Variants in KCNT2 observed in about 807,000 individuals in gnomAD.
KCNT2 encodes potassium channel subfamily T member 2.
In KCNT2, 67 loss-of-function variants were observed where a neutral mutation model predicts 153.8. The ratio of observed to expected loss-of-function variants is 0.44; its 90% confidence interval spans 0.36 to 0.53. The LOEUF is 0.53. Ranked by LOEUF, KCNT2 falls within the 20% of genes least tolerant of loss-of-function variation. The pLI, the probability that KCNT2 is intolerant of heterozygous loss-of-function variation, is 0.00. For synonymous variants in KCNT2, 500 were observed against 458.8 expected (o/e 1.09, Z -1.15); for missense variants, 975 against 1,354.8 (o/e 0.72, Z 4.40).
chr1:196,437,165 T>G (rs1393847360), intron 8 of KCNT2, among the ~76,000 whole-genome samples: 1 of 50,148 alleles, frequency 2.0e-5, no homozygotes, highest in Non-Finnish European at 3.9e-5. Context: ...GCAGGGGATA[T>G]ATGATAATAA....
intron 27 of KCNT2, among the ~76,000 whole-genome samples, chr1:196,228,712 T>C (rs539368190): frequency 6.6e-6 from 1 of 152,264 alleles, no homozygotes; most frequent in East Asian, 1.9e-4. Flanking sequence ...TCCCTTACTT[T>C]GGCCATTTTT....
chr1:196,299,627 C>T (rs532071294), intron 22 of KCNT2, among the ~76,000 whole-genome samples: 12 of 151,932 alleles, frequency 7.9e-5, no homozygotes, highest in Non-Finnish European at 1.5e-4. Flanking sequence ...TGCAGAGAAA[C>T]GGGAACGCTT....
chr1:196,494,274 G>T (rs1680077515), intron 1 of KCNT2, among the ~76,000 whole-genome samples: 1 of 152,088 alleles, frequency 6.6e-6, no homozygotes, highest in South Asian at 2.1e-4. Flanking sequence ...AGGACAATAC[G>T]GCTATTACAC....
chr1:196,585,539 A>T (rs1484852820), intron 1 of KCNT2, among the ~76,000 whole-genome samples: 2 of 152,090 alleles, frequency 1.3e-5, no homozygotes, highest in Non-Finnish European at 2.9e-5. Context: ...AATGGAATGG[A>T]TGGGTCAATT....
chr1:196,470,248 T>TA (rs1465844309), intron 5 of KCNT2, among the ~76,000 whole-genome samples: 1 of 152,158 alleles, frequency 6.6e-6, no homozygotes, highest in African/African-American at 2.4e-5. Context: ...CCAAACCACT[T>TA]AACTTGGCTC....
chr1:196,551,004 A>G (rs1160942233), intron 1 of KCNT2, among the ~76,000 whole-genome samples: 1 of 151,864 alleles, frequency 6.6e-6, no homozygotes, highest in Non-Finnish European at 1.5e-5. Flanking sequence ...ATGCTGTCTC[A>G]GTTCACAGTT....
intron 16 of KCNT2, among the ~76,000 whole-genome samples, chr1:196,334,487 C>CTTTTTTTTTTTCTTTTTTT (rs1664804126): frequency 1.1e-5 from 1 of 87,264 alleles, no homozygotes; most frequent in African/African-American, 4.4e-5. Flanking sequence ...TTCTTTCTTT[C>CTTTTTTTTTTTCTTTTTTT]TTTTTTTTTT....
At chr1:196,576,637 T>A (rs1017816026) in intron 1 of KCNT2, among the ~76,000 whole-genome samples, 1 of 152,170 alleles carries the variant, frequency 6.6e-6, no homozygotes, top group Admixed American at 6.6e-5. Context: ...ACTGCCAATA[T>A]GTTCCTCAAT....
intron 14 of KCNT2, among the ~76,000 whole-genome samples, chr1:196,353,396 G>A (rs928418178): frequency 5.3e-5 from 8 of 151,768 alleles, no homozygotes; most frequent in Non-Finnish European, 8.8e-5. Context: ...AAGAAGATTA[G>A]CAAATAAAAT....
At chr1:196,346,537 C>T (rs1666157629) in intron 14 of KCNT2, among the ~76,000 whole-genome samples, 1 of 152,050 alleles carries the variant, frequency 6.6e-6, no homozygotes, top group African/African-American at 2.4e-5. Context: ...CACACTATTT[C>T]AATTATTGTA....
At chr1:196,317,032 T>C (rs1312663731) in intron 20 of KCNT2, 1 of 206,888 alleles carries the variant, frequency 4.8e-6, no homozygotes, top group Non-Finnish European at 1.0e-5. Flanking sequence ...GGTTTTTAAA[T>C]TGAAGAGTGA....
At chr1:196,260,598 G>T (rs1313540502) in intron 25 of KCNT2, among the ~76,000 whole-genome samples, 1 of 151,400 alleles carries the variant, frequency 6.6e-6, no homozygotes, top group African/African-American at 2.4e-5. Context: ...TTTAACTACA[G>T]TAAAAAGAAA....
intron 20 of KCNT2, among the ~76,000 whole-genome samples, chr1:196,316,787 A>G (rs1050334139): frequency 6.6e-6 from 1 of 151,738 alleles, no homozygotes; most frequent in Non-Finnish European, 1.5e-5. Flanking sequence ...TTAAAAGAAA[A>G]TGTTTATTTA....
chr1:196,598,867 T>C (rs1664393290), intron 1 of KCNT2, among the ~76,000 whole-genome samples: 1 of 152,224 alleles, frequency 6.6e-6, no homozygotes, highest in Non-Finnish European at 1.5e-5. Flanking sequence ...ACATGCTAAG[T>C]AGTTGGTAAA....
chr1:196,509,471 G>A (rs1681431733), intron 1 of KCNT2, among the ~76,000 whole-genome samples: 1 of 152,066 alleles, frequency 6.6e-6, no homozygotes, highest in Non-Finnish European at 1.5e-5. Context: ...AAAGATGCAA[G>A]CCTAAGACTA....
At chr1:196,495,002 A>G (rs186266029) in intron 1 of KCNT2, among the ~76,000 whole-genome samples, 2 of 152,146 alleles carry the variant, frequency 1.3e-5, no homozygotes, top group African/African-American at 2.4e-5. Flanking sequence ...AGCAAAGGCA[A>G]TTTTGCATGG....
At chr1:196,553,836 G>T (rs1487174171) in intron 1 of KCNT2, among the ~76,000 whole-genome samples, 1 of 150,924 alleles carries the variant, frequency 6.6e-6, no homozygotes, top group East Asian at 1.9e-4. Context: ...AATTATGAAA[G>T]GTGTAAAAAC....
chr1:196,261,865 G>T (rs950381312), intron 25 of KCNT2, among the ~76,000 whole-genome samples: 2 of 151,766 alleles, frequency 1.3e-5, no homozygotes, highest in African/African-American at 4.8e-5. Flanking sequence ...ACTAATGTTT[G>T]TGAGAATGAC....
chr1:196,571,770 C>T (rs558177772), intron 1 of KCNT2, among the ~76,000 whole-genome samples: 1 of 152,164 alleles, frequency 6.6e-6, no homozygotes, highest in East Asian at 1.9e-4. Context: ...AATTCTTCCA[C>T]AGAAAGGGTC....
Sources: allele counts gnomAD v4.1 joint callset (sites outside exome capture counted in the v4.1 genomes callset), GRCh38; gene constraint gnomAD v4.1.1; transcripts MANE v1.5; gene names NCBI Gene and HGNC (gene_info 2026-07-23, HGNC 2026-07-21).